The following XYLT1 variants were observed in gnomAD, a reference collection of about 807,000 sequenced individuals.
XYLT1 encodes the protein xylosyltransferase 1.
A neutral mutation model predicts 91.3 loss-of-function variants in XYLT1; 36 were observed. The observed-to-expected ratio is 0.39, with a 90% CI of 0.30 to 0.52. XYLT1 has a LOEUF of 0.52. Ranked by LOEUF, XYLT1 falls within the 20% of genes least tolerant of loss-of-function variation. The pLI, the probability that XYLT1 is intolerant of heterozygous loss-of-function variation, is 0.68. For synonymous variants in XYLT1, 588 were observed against 532.0 expected, an observed-to-expected ratio of 1.11 and a Z score of -1.45; for missense variants, 1,242 against 1,284.5, an observed-to-expected ratio of 0.97 and a Z score of 0.51.
chr16:17,226,991 A>C (rs2033077270), intron 3 of XYLT1: 1 of 152,254 alleles, frequency 6.6e-6, no homozygotes, highest in East Asian at 1.9e-4. Context: ...TAGAGCGCTT[A>C]GCCTGGTGTC....
At chr16:17,358,261 G>A (rs2035331622) in intron 1 of XYLT1, among the ~76,000 whole-genome samples, 1 of 151,704 alleles carries the variant, frequency 6.6e-6, no homozygotes, top group African/African-American at 2.4e-5. Flanking sequence ...AGCCTCCCAA[G>A]TAGCTATGAC....
At chr16:17,420,493 G>A (rs979228175) in intron 1 of XYLT1, among the ~76,000 whole-genome samples, 5 of 152,056 alleles carry the variant, frequency 3.3e-5, no homozygotes, top group South Asian at 2.1e-4. Flanking sequence ...AAAGGGAGAC[G>A]CAGGGTAGGT....
chr16:17,141,549 T>A (rs2030976041), intron 6 of XYLT1, among the ~76,000 whole-genome samples, 180 bp from the exon 7 acceptor site: 1 of 152,172 alleles, frequency 6.6e-6, no homozygotes, highest in Non-Finnish European at 1.5e-5. Context: ...AAGTGAGGCA[T>A]GTCACCGTAT....
intron 3 of XYLT1, among the ~76,000 whole-genome samples, chr16:17,246,129 G>A (rs2033432102): frequency 6.6e-6 from 1 of 152,218 alleles, no homozygotes; most frequent in Admixed American, 6.5e-5. Context: ...TCTGAGCTCA[G>A]AGCCTGGCTC....
intron 6 of XYLT1, among the ~76,000 whole-genome samples, chr16:17,146,799 C>T (rs1481320225): frequency 1.3e-5 from 2 of 152,116 alleles, no homozygotes; most frequent in Non-Finnish European, 2.9e-5. Context: ...TATGGATACA[C>T]GGGAGCCCAG....
chr16:17,284,211 G>A (rs1216730597), intron 2 of XYLT1, among the ~76,000 whole-genome samples: 1 of 152,248 alleles, frequency 6.6e-6, no homozygotes, highest in Non-Finnish European at 1.5e-5. Flanking sequence ...TAAGTGTTCA[G>A]CACAGCAACC....
At chr16:17,297,943 C>T (rs1461864513) in intron 2 of XYLT1, among the ~76,000 whole-genome samples, 1 of 152,078 alleles carries the variant, frequency 6.6e-6, no homozygotes, top group Middle Eastern at 3.4e-3. Context: ...ATGGCGTGAA[C>T]CCGGGAGGTG....
At chr16:17,137,278 G>A (rs1276112528) in intron 8 of XYLT1, among the ~76,000 whole-genome samples, 2 of 152,136 alleles carry the variant, frequency 1.3e-5, no homozygotes, top group African/African-American at 4.8e-5. Context: ...AGTGATGTCT[G>A]CCCCAGTAAA....
chr16:17,338,673 G>A (rs937319876), intron 2 of XYLT1: 14 of 365,392 alleles, frequency 3.8e-5, no homozygotes, highest in Middle Eastern at 7.6e-4. Flanking sequence ...AGGCTGGAGT[G>A]CAGTTAGTTC....
intron 3 of XYLT1, among the ~76,000 whole-genome samples, chr16:17,253,835 A>AGAGG (rs1234902936): frequency 7.0e-6 from 1 of 142,510 alleles, no homozygotes; most frequent in African/African-American, 2.7e-5. Context: ...AGAGAGAGAG[A>AGAGG]GAGAGAGAGA....
At chr16:17,183,582 G>A (rs1490528677) in intron 5 of XYLT1, among the ~76,000 whole-genome samples, 3 of 152,164 alleles carry the variant, frequency 2.0e-5, no homozygotes, top group Admixed American at 6.5e-5. Context: ...TTCATACTGC[G>A]ATGCAGTAAC....
At chr16:17,374,467 T>C (rs2035571513) in intron 1 of XYLT1, among the ~76,000 whole-genome samples, 1 of 152,182 alleles carries the variant, frequency 6.6e-6, no homozygotes, top group African/African-American at 2.4e-5. Flanking sequence ...GATCCAAAGG[T>C]ACTTCTGAAA....
At chr16:17,189,302 G>A (rs34986391) in intron 5 of XYLT1, among the ~76,000 whole-genome samples, 38,806 of 152,110 alleles carry the variant, frequency 0.26, 5,458 homozygotes, top group South Asian at 0.45. Flanking sequence ...TTCCCGTTCA[G>A]CTGAGGTCCA....
intron 9 of XYLT1, among the ~76,000 whole-genome samples, chr16:17,133,057 G>C (rs13331747): frequency 0.3 from 45,110 of 151,894 alleles, 7,213 homozygotes; most frequent in East Asian, 0.65. Flanking sequence ...AAGGTCAATA[G>C]CTTGTAAGCA....
intron 2 of XYLT1, among the ~76,000 whole-genome samples, chr16:17,356,032 C>A (rs2035290237): frequency 1.3e-5 from 2 of 151,906 alleles, no homozygotes; most frequent in Admixed American, 1.3e-4. Flanking sequence ...ATAATTCTTT[C>A]CAGTGGGGAG....
chr16:17,145,034 C>T (rs1442149775), intron 6 of XYLT1, among the ~76,000 whole-genome samples: 2 of 152,262 alleles, frequency 1.3e-5, no homozygotes, highest in Non-Finnish European at 2.9e-5. Flanking sequence ...ACTCCCCATT[C>T]ATGCTAGCCC....
intron 2 of XYLT1, among the ~76,000 whole-genome samples, chr16:17,320,829 G>A (rs904513073): frequency 5.0e-5 from 6 of 119,310 alleles, no homozygotes; most frequent in African/African-American, 2.2e-4. Flanking sequence ...TTCTTACCAC[G>A]GAAATGAGGT....
chr16:17,273,010 C>G (rs192638038), intron 2 of XYLT1, among the ~76,000 whole-genome samples: 1 of 152,158 alleles, frequency 6.6e-6, no homozygotes, highest in African/African-American at 2.4e-5. Context: ...ATCAGAAACC[C>G]AGCAGGACAG....
chr16:17,415,521 C>T (rs1232432248), intron 1 of XYLT1, among the ~76,000 whole-genome samples: 1 of 152,152 alleles, frequency 6.6e-6, no homozygotes, highest in African/African-American at 2.4e-5. Context: ...GAAACCCCAT[C>T]TCCACTAAAA....
Sources: allele counts gnomAD v4.1 joint callset (sites outside exome capture counted in the v4.1 genomes callset), GRCh38; gene constraint gnomAD v4.1.1; transcripts MANE v1.5; gene names NCBI Gene and HGNC (gene_info 2026-07-23, HGNC 2026-07-21).